SETD1A: variants seen among roughly 807,000 people sequenced by gnomAD.
SETD1A encodes the protein SET domain containing 1A, histone lysine methyltransferase, also known as histone-lysine N-methyltransferase SETD1A.
A neutral mutation model predicts 149.9 loss-of-function variants in SETD1A; 29 were observed. The observed-to-expected ratio is 0.19, with a 90% CI of 0.14 to 0.26. The LOEUF is 0.26. SETD1A is among the 10% of genes least tolerant of loss of function. The pLI is 1.00. For missense variants in SETD1A, 2,109 were observed against 2,353.1 expected (o/e 0.90, Z 2.15); for synonymous variants, 1,141 against 968.5 (o/e 1.18, Z -3.31).
intron 8 of SETD1A, among the ~76,000 whole-genome samples, chr16:30,966,655 G>A (rs1019463390): frequency 2.0e-5 from 3 of 152,198 alleles, no homozygotes; most frequent in Non-Finnish European, 4.4e-5. Context: ...TCAAGCTTTG[G>A]TCTTCCATTT....
Position 30,983,558 on chromosome 16 carries a change from G to A in SETD1A, c.4813-77G>A. 1.3e-6 allele frequency: 2 copies of A among 1,538,104 alleles called. No homozygotes were observed. The highest frequency in any genetic ancestry group is 1.8e-6 in the Non-Finnish European group (2 of 1,135,322). On this transcript the variant is annotated intron_variant, in intron 17 of 18. Transcript: ENST00000262519. This position sits in a 1 kb window ranked among gnomAD's most constrained non-coding sequence, Gnocchi z 6.8. ...CTCCAGGCCTGGTGGGCGTGGACCT[G>A]GGGTGCTGGCTGGCAGGCGTGCTCA...
At position 30,980,419 on chromosome 16, in the gene SETD1A, G is replaced by A. The variant is rs554890120; in HGVS notation, c.4409-66G>A. On this transcript the variant is annotated intron_variant, in intron 14 of 18. Coordinates refer to ENST00000262519, the MANE Select transcript of SETD1A (RefSeq NM_014712.3). The surrounding 1 kb of genome is among the most constrained non-coding windows in gnomAD (Gnocchi z 7.7). ...GGGTATGCTCAGCGGCGTGGGCCCC[G>A]CCCTCTCCTTTGGCTGGGACGCAGG... 1.4e-5 allele frequency: 21 copies of A among 1,553,946 alleles called. No individual in the cohort carries two copies. Among genetic ancestry groups the A allele is most frequent in the Middle Eastern group, 1.8e-4 (1 of 5,586 alleles).
intron 12 of SETD1A, among the ~76,000 whole-genome samples, chr16:30,970,466 C>T (rs1299507226): frequency 1.3e-5 from 2 of 151,972 alleles, no homozygotes; most frequent in East Asian, 1.9e-4. Flanking sequence ...TGGGGTTTTA[C>T]CATGTTGGCC....
rs1417085000 is a variant in SETD1A at position 30,972,342 on chromosome 16, GA to G, written c.3358+626del. On this transcript the variant is annotated intron_variant, in intron 13 of 18. Coordinates refer to ENST00000262519, the MANE Select transcript of SETD1A (RefSeq NM_014712.3). Reference sequence around the variant, plus strand: ...AGGGAAAGACATCTTCATTGAGTAAGAAATACATAGGAGGCCGGGCGCGGTG... The same window carrying G: ...AGGGAAAGACATCTTCATTGAGTAAGAATACATAGGAGGCCGGGCGCGGTG... Among the ~76,000 whole-genome samples, 6 of 152,320 alleles carry G rather than the reference GA, an allele frequency of 3.9e-5. No individual in the cohort carries two copies. The East Asian group carries it at 1.2e-3, about 29-fold the overall frequency.
intron 13 of SETD1A, among the ~76,000 whole-genome samples, chr16:30,977,996 C>T (rs2056304571): frequency 6.6e-6 from 1 of 152,190 alleles, no homozygotes; most frequent in Non-Finnish European, 1.5e-5. Context: ...GGACCCTCTG[C>T]TGGGTACAGT....
intron 3 of SETD1A, among the ~76,000 whole-genome samples, chr16:30,960,396 G>A (rs1046862084): frequency 6.6e-6 from 1 of 152,144 alleles, no homozygotes; most frequent in Admixed American, 6.6e-5. Context: ...CATGTTCCAG[G>A]GGTCCTTGTC....
At chr16:30,966,818 A>C in intron 8 of SETD1A, 66 bp from the exon 9 acceptor site, 1 of 1,464,530 alleles carries the variant, frequency 6.8e-7, no homozygotes, top group Non-Finnish European at 9.1e-7. Context: ...GTCCGGGAGT[A>C]GGTCTCAGGC....
Position 30,965,366 on chromosome 16 carries a change from C to A in SETD1A, c.1624C>A (p.Pro542Thr), listed in dbSNP as rs763060021. ...GTCAGGGCATGGGCCCTGCACACCC[C>A]CTCCGGCCCCAGCTAATTTTGAGGA... The part of the protein sequence containing the change: ...SGSGHGPCTP[P>T]PAPANFEDVA... The change falls in exon 7 of 19, where the codon CCT (proline) becomes ACT (threonine). Residue 542 changes from proline (P) to threonine (T), a missense_variant. Transcript: ENST00000262519. The A allele has an allele frequency of 1.9e-5, 30 of 1,611,520 alleles. No individual in the cohort carries two copies. Among genetic ancestry groups the A allele is most frequent in the Non-Finnish European group, 2.5e-5 (30 of 1,177,930 alleles).
rs774562284 is a variant in SETD1A, at chr16:30,969,287, A to G, written c.2771-18A>G. On this transcript the variant is annotated intron_variant, in intron 10 of 18. Coordinates refer to ENST00000262519, the MANE Select transcript of SETD1A (RefSeq NM_014712.3). ...TGGTTGATGGTAAATTTCCCCAACT[A>G]CCACTCTGCTGGCCTAGACCCTGAA... 1.2e-6 allele frequency: 2 copies of G among 1,606,996 alleles called. No homozygotes were observed. The highest frequency in any genetic ancestry group is 1.7e-5 in the Admixed American group (1 of 58,438).
At position 30,966,248 on chromosome 16, in the gene SETD1A, C is replaced by G. The variant is rs2056145776; in HGVS notation, c.2367C>G (p.Gly789=). 1 of 1,613,702 alleles carries G rather than the reference C, an allele frequency of 6.2e-7. No individual in the cohort carries two copies. Among genetic ancestry groups the G allele is most frequent in the African/African-American group, 1.3e-5 (1 of 74,946 alleles). The change falls in exon 8 of 19, where the codon GGC becomes GGG. Residue 789 remains glycine, a synonymous_variant. Coordinates refer to ENST00000262519, the MANE Select transcript of SETD1A (RefSeq NM_014712.3). ...LAEGKTLPTA[G]TVGRVLAMLV... ...AGGGCAAGACCCTCCCGACAGCAGG[C>G]ACCGTGGGCCGTGTGCTCGCCATGC...
At chr16:30,958,538 G>A (rs537744726) in intron 1 of SETD1A, among the ~76,000 whole-genome samples, 179 bp from the exon 2 acceptor site, 2 of 152,270 alleles carry the variant, frequency 1.3e-5, no homozygotes, top group South Asian at 2.1e-4. Context: ...GAAAGAGGCT[G>A]GGTTGTTGTG....
intron 13 of SETD1A, among the ~76,000 whole-genome samples, chr16:30,977,277 T>C (rs907073243): frequency 1.3e-5 from 2 of 152,022 alleles, no homozygotes; most frequent in African/African-American, 4.8e-5. Flanking sequence ...AGAACCAGTT[T>C]CAGTCACCAC....
intron 10 of SETD1A, 56 bp downstream of exon 10, chr16:30,967,644 A>AG (rs1473453514): frequency 1.1e-5 from 16 of 1,479,830 alleles, no homozygotes; most frequent in Non-Finnish European, 1.9e-6. Flanking sequence ...CTGATGGGAG[A>AG]GCAAGAGGTA....
At position 30,957,916 on chromosome 16, in the gene SETD1A, T is replaced by A. The variant is rs1365857263; in HGVS notation, c.-64T>A. 1 of 152,376 alleles carries A rather than the reference T, an allele frequency of 6.6e-6. No homozygotes were observed. Among genetic ancestry groups the A allele is most frequent in the Non-Finnish European group, 1.5e-5 (1 of 68,044 alleles). 9.4% of individuals were successfully genotyped at this position (152,376 alleles called of 1,614,324 possible). On this transcript the variant is annotated 5_prime_UTR_variant, in exon 1 of 19. Transcript: ENST00000262519. ...GCCCCGTGGGTCCCCCGGCAGCGCCTGTGGCGAAAGTGCGAATGCAGACCC... is the reference window on the plus strand; with the variant it reads ...GCCCCGTGGGTCCCCCGGCAGCGCCAGTGGCGAAAGTGCGAATGCAGACCC...
chr16:30,961,980 T>A lies in SETD1A; in HGVS notation c.517+443T>A, dbSNP rs1328119620. On this transcript the variant is annotated intron_variant, in intron 4 of 18. Transcript: ENST00000262519. This position sits in a 1 kb window ranked among gnomAD's most constrained non-coding sequence, Gnocchi z 4.0. ...CCAGCCTCCTGAGTAGCTGGGATTA[T>A]GGGCATGCACCACCACACCTGGCCA... Among the ~76,000 whole-genome samples the A allele has an allele frequency of 2.6e-5, 4 of 152,006 alleles. No homozygotes were observed. The highest frequency in any genetic ancestry group is 5.9e-5 in the Non-Finnish European group (4 of 68,012).
In SETD1A at chr16:30,958,764, G is replaced by A. The variant is rs2056003325; in HGVS notation, c.33G>A (p.Lys11=). The A allele has an allele frequency of 6.2e-7, 1 of 1,614,198 alleles. No homozygotes were observed. The highest frequency in any genetic ancestry group is 8.5e-7 in the Non-Finnish European group (1 of 1,180,012). Residue 11 remains lysine, a synonymous_variant, in exon 2 of 19, where the codon AAG becomes AAA. Transcript: ENST00000262519. MDQEGGGDGQ[K]APSFQWRNYK... The stretch of plus-strand genomic sequence containing the variant: ...AGGAAGGTGGGGGAGATGGGCAGAA[G>A]GCCCCGAGCTTCCAGTGGCGGAACT...
At position 30,977,842 on chromosome 16, in the gene SETD1A, C is replaced by T. The variant is rs572404739; in HGVS notation, c.3359-1303C>T. 3.9e-5 allele frequency among the ~76,000 whole-genome samples: 6 copies of T among 152,302 alleles called. No individual in the cohort carries two copies. The East Asian group carries it at 5.8e-4, about 15-fold the overall frequency. Reference sequence around the variant, plus strand: ...TGCCGGCGGCCCTGTTGGCGCTGAGCGGGGAAGCCAGTTGTGAAGCCAGTG... The same window carrying T: ...TGCCGGCGGCCCTGTTGGCGCTGAGTGGGGAAGCCAGTTGTGAAGCCAGTG... On this transcript the variant is annotated intron_variant, in intron 13 of 18. Transcript: ENST00000262519.
intron 10 of SETD1A, among the ~76,000 whole-genome samples, chr16:30,968,469 T>C (rs1483916414): frequency 1.3e-5 from 2 of 149,502 alleles, no homozygotes; most frequent in Non-Finnish European, 3.0e-5. Flanking sequence ...CACAAATATA[T>C]ACACACACAC....
chr16:30,972,853 C>CA (rs560520968), intron 13 of SETD1A, among the ~76,000 whole-genome samples: 143 of 130,436 alleles, frequency 1.1e-3, no homozygotes, highest in East Asian at 3.9e-3. Flanking sequence ...GACCCTGTCT[C>CA]AAAAAAAAAA....
Sources: allele counts gnomAD v4.1 joint callset (sites outside exome capture counted in the v4.1 genomes callset), GRCh38; gene constraint gnomAD v4.1.1; non-coding constraint Gnocchi (gnomAD v3.1); transcripts MANE v1.5; gene names NCBI Gene and HGNC (gene_info 2026-07-23, HGNC 2026-07-21).